Variants in CDH13 observed in about 807,000 individuals in gnomAD.
CDH13 encodes cadherin 13.
A neutral mutation model predicts 63.8 loss-of-function variants in CDH13; 24 were observed. The ratio of observed to expected loss-of-function variants is 0.38; its 90% CI spans 0.27 to 0.53. CDH13 has a LOEUF of 0.53. CDH13 is among the 20% of genes least tolerant of loss of function. The pLI, the probability that CDH13 is intolerant of heterozygous loss-of-function variation, is 0.85. For missense variants in CDH13, 1,049 were observed against 903.1 expected, an observed-to-expected ratio of 1.16 and a Z score of -2.07; for synonymous variants, 503 against 355.3, an observed-to-expected ratio of 1.42 and a Z score of -4.67.
intron 7 of CDH13, among the ~76,000 whole-genome samples, chr16:83,523,108 T>G (rs776752731): frequency 2.0e-5 from 3 of 152,210 alleles, no homozygotes; most frequent in Non-Finnish European, 4.4e-5. Flanking sequence ...ACCCCTTTTA[T>G]AGGTGCTTCT....
intron 10 of CDH13, among the ~76,000 whole-genome samples, chr16:83,732,957 C>T (rs1237586422): frequency 6.6e-6 from 1 of 152,222 alleles, no homozygotes; most frequent in African/African-American, 2.4e-5. Flanking sequence ...TCACTGCCTA[C>T]ATGAAGAGGG....
intron 3 of CDH13, among the ~76,000 whole-genome samples, chr16:83,075,113 C>G (rs1415553794): frequency 6.6e-6 from 1 of 152,170 alleles, no homozygotes; most frequent in South Asian, 2.1e-4. Context: ...TTCTCACTGT[C>G]TCTTAGAGAG....
chr16:83,332,206 G>T (rs1156540227), intron 5 of CDH13, among the ~76,000 whole-genome samples: 1 of 151,802 alleles, frequency 6.6e-6, no homozygotes, highest in Admixed American at 6.6e-5. Flanking sequence ...TATTTTAGTT[G>T]TTGTAAAACC....
intron 2 of CDH13, among the ~76,000 whole-genome samples, chr16:82,998,080 C>G (rs1224480331): frequency 6.6e-6 from 1 of 152,230 alleles, no homozygotes; most frequent in African/African-American, 2.4e-5. Flanking sequence ...GTGACCAGCT[C>G]AAATTTTCTA....
chr16:83,779,652 G>A (rs910364461), intron 11 of CDH13, among the ~76,000 whole-genome samples: 2 of 151,924 alleles, frequency 1.3e-5, no homozygotes, highest in African/African-American at 4.8e-5. Context: ...GTGAGACACC[G>A]TCTCTACAAA....
intron 2 of CDH13, chr16:82,954,756 A>G (rs541833581): frequency 6.6e-6 from 1 of 151,830 alleles, no homozygotes; most frequent in Non-Finnish European, 1.5e-5. Flanking sequence ...TCCTGGAAAA[A>G]AAAAAAAACA....
chr16:82,862,360 A>G, intron 2 of CDH13, among the ~76,000 whole-genome samples: 1 of 152,342 alleles, frequency 6.6e-6, no homozygotes, highest in East Asian at 1.9e-4. Flanking sequence ...GTTCTGCAAA[A>G]TTATAAAACA....
At position 82,682,465 on chromosome 16, in the gene CDH13, T is replaced by C. The variant is rs559977305; in HGVS notation, c.45+55328T>C. Among the ~76,000 whole-genome samples, 80 of 152,346 alleles carry C rather than the reference T, an allele frequency of 5.3e-4. 1 individual carries two copies. The highest frequency in any genetic ancestry group is 1.7e-3 in the African/African-American group (71 of 41,580). The stretch of plus-strand genomic sequence containing the variant: ...TCAGTATTTCAACAAATGTGGTCCC[T>C]CAAGTTCTGCAGGGAGAAATACTCC... On this transcript the variant is annotated intron_variant, in intron 1 of 13. Coordinates refer to ENST00000567109, the MANE Select transcript of CDH13 (RefSeq NM_001257.5).
At chr16:83,090,257 T>G (rs1226292180) in intron 3 of CDH13, among the ~76,000 whole-genome samples, 2 of 152,054 alleles carry the variant, frequency 1.3e-5, no homozygotes, top group African/African-American at 2.4e-5. Flanking sequence ...ACCATCCCAA[T>G]CAGACCCCTA....
intron 1 of CDH13, among the ~76,000 whole-genome samples, chr16:82,759,070 C>G (rs1388824722): frequency 6.6e-6 from 1 of 152,142 alleles, no homozygotes; most frequent in Non-Finnish European, 1.5e-5. Context: ...GCAAGTCAGT[C>G]CTGTAAATGT....
intron 4 of CDH13, among the ~76,000 whole-genome samples, chr16:83,208,399 G>A (rs1004687946): frequency 1.3e-5 from 2 of 152,044 alleles, no homozygotes; most frequent in African/African-American, 4.8e-5. Flanking sequence ...AATGCTTACA[G>A]ATTACCTTAC....
At chr16:82,736,059 C>T (rs16958387) in intron 1 of CDH13, among the ~76,000 whole-genome samples, 14,531 of 152,172 alleles carry the variant, frequency 0.095, 788 homozygotes, top group East Asian at 0.22. Context: ...TCATGAAAAA[C>T]CTGAAGTGCA....
chr16:83,155,219 A>C (rs1222495882), intron 4 of CDH13, among the ~76,000 whole-genome samples: 3 of 152,234 alleles, frequency 2.0e-5, no homozygotes, highest in Admixed American at 6.5e-5. Context: ...TAAGGAAAGG[A>C]CAGAGGGGAG....
intron 4 of CDH13, among the ~76,000 whole-genome samples, chr16:83,149,380 C>G (rs973453292): frequency 1.5e-4 from 23 of 152,176 alleles, no homozygotes; most frequent in African/African-American, 5.1e-4. Context: ...GCGATGTTAA[C>G]TTTAAACTCA....
At chr16:83,003,486 T>C (rs890044746) in intron 2 of CDH13, among the ~76,000 whole-genome samples, 1 of 152,150 alleles carries the variant, frequency 6.6e-6, no homozygotes, top group Non-Finnish European at 1.5e-5. Flanking sequence ...TATAATCAGG[T>C]TAGTAACATA....
At chr16:83,529,568 A>T (rs535674985) in intron 7 of CDH13, among the ~76,000 whole-genome samples, 1 of 152,124 alleles carries the variant, frequency 6.6e-6, no homozygotes, top group Non-Finnish European at 1.5e-5. Context: ...TGTGCATGCC[A>T]TTTTTTTGTG....
chr16:82,688,534 C>A (rs1915315626), intron 1 of CDH13, among the ~76,000 whole-genome samples: 1 of 152,146 alleles, frequency 6.6e-6, no homozygotes, highest in Non-Finnish European at 1.5e-5. Flanking sequence ...AATGGAGACT[C>A]AGAAATATTT....
At chr16:82,961,504 A>G (rs563471959) in intron 2 of CDH13, among the ~76,000 whole-genome samples, 3 of 148,688 alleles carry the variant, frequency 2.0e-5, no homozygotes, top group East Asian at 2.1e-4. Context: ...TGAACAAACT[A>G]TTATGAAGCC....
intron 3 of CDH13, among the ~76,000 whole-genome samples, chr16:83,108,458 G>A (rs913259167): frequency 6.6e-6 from 1 of 152,136 alleles, no homozygotes; most frequent in Non-Finnish European, 1.5e-5. Flanking sequence ...AGCGAGAAAG[G>A]GTCCTGCTTG....
Sources: allele counts gnomAD v4.1 joint callset (sites outside exome capture counted in the v4.1 genomes callset), GRCh38; gene constraint gnomAD v4.1.1; transcripts MANE v1.5; gene names NCBI Gene and HGNC (gene_info 2026-07-23, HGNC 2026-07-21).